The following ARMH4 variants were observed in gnomAD, a reference collection of about 807,000 sequenced individuals.
The protein encoded by ARMH4 is armadillo like helical domain containing 4.
A neutral mutation model predicts 61.9 loss-of-function variants in ARMH4; 49 were observed. The ratio of observed to expected loss-of-function variants is 0.79; its 90% confidence interval spans 0.63 to 1.00. The LOEUF (loss-of-function observed/expected upper bound fraction) is 1.00, where lower values mean the gene tolerates loss of function less well. ARMH4 is among the 50% of genes least tolerant of loss of function. The pLI is 0.00. For synonymous variants in ARMH4, 368 were observed against 341.5 expected (o/e 1.08, Z -0.85); for missense variants, 934 against 930.0 (o/e 1.00, Z -0.06).
In ARMH4 at chr14:58,138,834, C is replaced by A. The variant is rs147966580; in HGVS notation, c.525G>T (p.Glu175Asp). Reference protein sequence around the residue: ...TSTNFQPIVEEITETTKGFLK... With the variant: ...TSTNFQPIVEDITETTKGFLK... ...GAAAACCTTTTGTGGTTTCTGTGAT[C>A]TCTTCTACAATGGGCTGAAAGTTAG... The change falls in exon 2 of 8, where the codon GAG (glutamate) becomes GAT (aspartate). Residue 175 changes from glutamate (E) to aspartate (D), a missense_variant. Physicochemically the swap from Glu to Asp is conservative, Grantham distance 45. Coordinates refer to ENST00000267485, the MANE Select transcript of ARMH4 (RefSeq NM_001001872.4). 6.4e-5 allele frequency: 104 copies of A among 1,614,212 alleles called. No homozygotes were observed. The East Asian group carries it at 2.3e-3, about 36-fold the overall frequency.
intron 5 of ARMH4, among the ~76,000 whole-genome samples, chr14:58,053,202 C>CT (rs1402971730): frequency 6.6e-6 from 1 of 152,192 alleles, no homozygotes; most frequent in Non-Finnish European, 1.5e-5. Flanking sequence ...TATAGCAGTC[C>CT]TTACAAGACA....
At chr14:58,079,392 C>A (rs8008786) in intron 5 of ARMH4, among the ~76,000 whole-genome samples, 63,999 of 151,996 alleles carry the variant, frequency 0.42, 13,797 homozygotes, top group Non-Finnish European at 0.46. Context: ...AAGGGGGTTG[C>A]ACTCCCGCTT....
intron 4 of ARMH4, among the ~76,000 whole-genome samples, chr14:58,106,801 T>C (rs1005887380): frequency 8.2e-6 from 1 of 122,404 alleles, no homozygotes; most frequent in Non-Finnish European, 2.0e-5. Context: ...ACTTGGTAGG[T>C]GAAAAAAAAA....
At chr14:58,048,411 T>TG (rs372186043) in intron 5 of ARMH4, among the ~76,000 whole-genome samples, 59 of 152,364 alleles carry the variant, frequency 3.9e-4, no homozygotes, top group African/African-American at 1.4e-3. Context: ...ATTTGCTTTT[T>TG]GAAAAGCTGA....
intron 1 of ARMH4, among the ~76,000 whole-genome samples, chr14:58,142,466 T>TTTCTC (rs1476048597): frequency 1.3e-5 from 2 of 151,934 alleles, no homozygotes; most frequent in African/African-American, 4.8e-5. Flanking sequence ...TTTCTTTTCT[T>TTTCTC]TTCTCTTCTC....
intron 5 of ARMH4, among the ~76,000 whole-genome samples, chr14:58,088,001 T>C (rs1015086726): frequency 6.6e-6 from 1 of 152,214 alleles, no homozygotes; most frequent in African/African-American, 2.4e-5. Context: ...GTGTTTGTAG[T>C]TCACAGTGCA....
At chr14:58,070,001 T>G (rs1274650192) in intron 5 of ARMH4, among the ~76,000 whole-genome samples, 1 of 152,132 alleles carries the variant, frequency 6.6e-6, no homozygotes, top group Non-Finnish European at 1.5e-5. Context: ...TGCAATAGTT[T>G]GGGCAAGACA....
intron 5 of ARMH4, among the ~76,000 whole-genome samples, chr14:58,065,539 G>GT (rs1286753402): frequency 6.6e-5 from 10 of 152,326 alleles, no homozygotes; most frequent in African/African-American, 2.2e-4. Context: ...GAATGAGCCT[G>GT]TTTCATTATC....
chr14:58,017,798 C>T (rs1882670525), intron 5 of ARMH4, among the ~76,000 whole-genome samples: 1 of 151,934 alleles, frequency 6.6e-6, no homozygotes, highest in South Asian at 2.1e-4. Flanking sequence ...TGTATGGAAC[C>T]ACAAAATAGC....
intron 1 of ARMH4, among the ~76,000 whole-genome samples, chr14:58,151,854 G>T (rs1887936885): frequency 6.6e-6 from 1 of 152,220 alleles, no homozygotes; most frequent in Admixed American, 6.5e-5. Context: ...TGCGCGCCGC[G>T]CCCAGCGCGC....
chr14:58,043,383 G>C (rs536202243), intron 5 of ARMH4, among the ~76,000 whole-genome samples: 6 of 152,122 alleles, frequency 3.9e-5, no homozygotes, highest in South Asian at 2.1e-4. Context: ...ATGCAGAAAA[G>C]GCCTTTGACA....
chr14:58,106,329 C>T (rs756924926), intron 4 of ARMH4, among the ~76,000 whole-genome samples: 4 of 152,206 alleles, frequency 2.6e-5, no homozygotes, highest in African/African-American at 9.6e-5. Flanking sequence ...GATGAGATGT[C>T]AGCCAAAACC....
At chr14:58,077,696 T>C (rs1213535586) in intron 5 of ARMH4, among the ~76,000 whole-genome samples, 1 of 152,148 alleles carries the variant, frequency 6.6e-6, no homozygotes, top group Non-Finnish European at 1.5e-5. Context: ...AAATTACAAA[T>C]AGGAAAACTG....
At chr14:58,025,429 T>TG (rs1299372815) in intron 5 of ARMH4, among the ~76,000 whole-genome samples, 6 of 152,238 alleles carry the variant, frequency 3.9e-5, no homozygotes, top group African/African-American at 1.2e-4. Flanking sequence ...TCTTTCAAGG[T>TG]GGGAAACCTG....
intron 5 of ARMH4, among the ~76,000 whole-genome samples, chr14:58,088,947 C>T (rs1034200883): frequency 1.3e-5 from 2 of 152,162 alleles, no homozygotes; most frequent in Non-Finnish European, 2.9e-5. Context: ...ACCCCTGGGG[C>T]ACAACCAGTA....
chr14:58,011,892 T>C (rs954671916), intron 6 of ARMH4, among the ~76,000 whole-genome samples: 7 of 152,178 alleles, frequency 4.6e-5, no homozygotes, highest in African/African-American at 1.4e-4. Context: ...CTTACACTTT[T>C]ATAAGAGTGA....
intron 5 of ARMH4, among the ~76,000 whole-genome samples, chr14:58,034,199 G>C (rs1180546859): frequency 7.3e-6 from 1 of 137,424 alleles, no homozygotes; most frequent in African/African-American, 2.7e-5. Context: ...ACTAATAGCG[G>C]ATCTCTCGGC....
intron 5 of ARMH4, among the ~76,000 whole-genome samples, chr14:58,085,237 T>C (rs1341791322): frequency 2.0e-5 from 3 of 152,154 alleles, no homozygotes; most frequent in East Asian, 3.8e-4. Flanking sequence ...CATTTTGTTT[T>C]AACAGTTGGA....
intron 5 of ARMH4, among the ~76,000 whole-genome samples, chr14:58,042,609 C>T (rs531397902): frequency 1.4e-3 from 220 of 152,192 alleles, no homozygotes; most frequent in Admixed American, 3.3e-3. Flanking sequence ...CAGAGCAGAA[C>T]TGAAGGAGAT....
Sources: allele counts gnomAD v4.1 joint callset (sites outside exome capture counted in the v4.1 genomes callset), GRCh38; gene constraint gnomAD v4.1.1; transcripts MANE v1.5; gene names NCBI Gene and HGNC (gene_info 2026-07-23, HGNC 2026-07-21).